STK11: variants seen among roughly 807,000 people sequenced by gnomAD.
The protein encoded by STK11 is serine/threonine-protein kinase STK11.
STK11 carries 8 observed loss-of-function variants against 47.3 expected under a neutral mutation model. The ratio of observed to expected loss-of-function variants is 0.17; its 90% CI spans 0.10 to 0.31. The LOEUF is 0.31. STK11 is among the 10% of genes least tolerant of loss of function. The pLI is 1.00. For synonymous variants in STK11, 330 were observed against 255.8 expected (o/e 1.29, Z -2.77); for missense variants, 475 against 605.0 (o/e 0.79, Z 2.25).
At chr19:1,207,812 G>A (rs2080678678) in intron 1 of STK11, among the ~76,000 whole-genome samples, 2 of 152,352 alleles carry the variant, frequency 1.3e-5, no homozygotes, top group Non-Finnish European at 2.9e-5. Context: ...CTGCCCGAGG[G>A]GGACTGTGCC....
In STK11 at chr19:1,218,519, G is replaced by A. The variant is rs2145420923; in HGVS notation, c.374+19G>A. The A allele has an allele frequency of 1.2e-6, 2 of 1,608,884 alleles. No individual in the cohort carries two copies. The highest frequency in any genetic ancestry group is 2.2e-5 in the South Asian group (2 of 90,980). On this transcript the variant is annotated intron_variant, in intron 2 of 9. Transcript: ENST00000326873. The stretch of plus-strand genomic sequence containing the variant: ...AGAAAATATATCCTTTCCGGTGTTG[G>A]GACCGCGGGGCCTCCGTGGGAGGGG...
chr19:1,211,782 T>A lies in STK11; in HGVS notation c.290+4579T>A, dbSNP rs73494633. 3.0e-3 allele frequency among the ~76,000 whole-genome samples: 461 copies of A among 151,588 alleles called. 2 individuals are homozygous for A. The highest frequency in any genetic ancestry group is 0.011 in the African/African-American group (446 of 41,244). On this transcript the variant is annotated intron_variant, in intron 1 of 9. Coordinates refer to ENST00000326873, the MANE Select transcript of STK11 (RefSeq NM_000455.5). ...GCCCCCGCGGTGTCCAGCCAGGAGGTGGGAGGTGGGCGGCACTCAGTGTGC... is the reference window on the plus strand; with the variant it reads ...GCCCCCGCGGTGTCCAGCCAGGAGGAGGGAGGTGGGCGGCACTCAGTGTGC...
chr19:1,214,529 C>T (rs1012185643), intron 1 of STK11, among the ~76,000 whole-genome samples: 1 of 152,174 alleles, frequency 6.6e-6, no homozygotes, highest in Non-Finnish European at 1.5e-5. Flanking sequence ...AGAATGATGG[C>T]TCATGGAGGA....
Position 1,206,854 on chromosome 19 carries a change from A to G in STK11, c.-60A>G. On this transcript the variant is annotated 5_prime_UTR_variant, in exon 1 of 10. Transcript: ENST00000326873. ...GGAGAAGGGAAGTCGGAACACAAGG[A>G]AGGACCGCTCACCCGCGGACTCAGG... 1.3e-6 allele frequency: 2 copies of G among 1,515,218 alleles called. No individual in the cohort carries two copies. The highest frequency in any genetic ancestry group is 2.4e-5 in the South Asian group (2 of 81,858). 93.9% of individuals were successfully genotyped at this position (1,515,218 alleles called of 1,614,324 possible). A position where few individuals can be genotyped will look rare whatever the true frequency, so the allele number is the denominator to read the frequency against.
At chr19:1,210,256 C>T (rs2080700427) in intron 1 of STK11, among the ~76,000 whole-genome samples, 1 of 152,186 alleles carries the variant, frequency 6.6e-6, no homozygotes, top group African/African-American at 2.4e-5. Context: ...AGGCCCAAGG[C>T]CTTGGCCAGC....
At position 1,206,510 on chromosome 19, in the gene STK11, C is replaced by T. The variant is rs549950063; in HGVS notation, c.-404C>T. On this transcript the variant is annotated 5_prime_UTR_variant, in exon 1 of 10. Transcript: ENST00000326873. ...GGAGAAGACTGCGCTCGGCCGTGTTCATACTTGTCCGTGGGCCTGAGGTCC... is the reference window on the plus strand; with the variant it reads ...GGAGAAGACTGCGCTCGGCCGTGTTTATACTTGTCCGTGGGCCTGAGGTCC... 6.0e-5 allele frequency: 17 copies of T among 282,180 alleles called. No individual in the cohort carries two copies. The highest frequency in any genetic ancestry group is 3.2e-4 in the African/African-American group (15 of 46,690). The allele number at this position is 282,180 out of a possible 1,614,324, so 17.5% of individuals were successfully genotyped here.
In STK11 at chr19:1,227,709, C is replaced by T. The variant is rs978521091; in HGVS notation, c.*133C>T. ...TTCTGTGCCGACCACGCCCCAGGACCTCCGGAGCGCCCTGCAGGGCCGGGC... is the reference window on the plus strand; with the variant it reads ...TTCTGTGCCGACCACGCCCCAGGACTTCCGGAGCGCCCTGCAGGGCCGGGC... On this transcript the variant is annotated 3_prime_UTR_variant, in exon 10 of 10. Coordinates refer to ENST00000326873, the MANE Select transcript of STK11 (RefSeq NM_000455.5). The T allele has an allele frequency of 8.4e-6, 9 of 1,070,430 alleles. No individual in the cohort carries two copies. The highest frequency in any genetic ancestry group is 5.3e-5 in the Admixed American group (1 of 18,782). The allele number at this position is 1,070,430 out of a possible 1,614,324, so 66.3% of individuals were successfully genotyped here.
intron 2 of STK11, 39 bp from the exon 3 acceptor site, chr19:1,219,285 T>G: frequency 6.4e-7 from 1 of 1,553,698 alleles, no homozygotes; most frequent in East Asian, 2.4e-5. Context: ...GGCCTGTGAG[T>G]GGGGCCGCCC....
Position 1,228,005 on chromosome 19 carries a change from G to C in STK11, c.*429G>C. 9.4e-7 allele frequency: 1 copy of C among 1,067,884 alleles called. No individual in the cohort carries two copies. Among genetic ancestry groups the C allele is most frequent in the Non-Finnish European group, 1.1e-6 (1 of 880,936 alleles). 66.2% of individuals were successfully genotyped at this position (1,067,884 alleles called of 1,614,324 possible). A position where few individuals can be genotyped will look rare whatever the true frequency, so the allele number is the denominator to read the frequency against. On this transcript the variant is annotated 3_prime_UTR_variant, in exon 10 of 10. Transcript: ENST00000326873. Reference sequence around the variant, plus strand: ...CCCGCCATGCATGCAGCGCCACCTGGAAGCCGCGCGGCCGCTTTGGTTTTT... The same window carrying C: ...CCCGCCATGCATGCAGCGCCACCTGCAAGCCGCGCGGCCGCTTTGGTTTTT...
At chr19:1,226,052 C>T (rs759589189) in intron 8 of STK11, 5 of 1,039,344 alleles carry the variant, frequency 4.8e-6, no homozygotes, top group Non-Finnish European at 5.8e-6. Context: ...TGTGTCCTCA[C>T]AGATGAGCAT....
intron 7 of STK11, 126 bp from the exon 8 acceptor site, chr19:1,222,859 C>A: frequency 8.9e-7 from 1 of 1,128,372 alleles, no homozygotes; most frequent in Non-Finnish European, 1.2e-6. Flanking sequence ...CACAGCCACC[C>A]CTTGCACGGC....
At chr19:1,219,214 AG>A (rs1196765476) in intron 2 of STK11, 109 bp from the exon 3 acceptor site, 3 of 1,302,958 alleles carry the variant, frequency 2.3e-6, no homozygotes, top group African/African-American at 3.0e-5. Context: ...GGTCCCGAGG[AG>A]GGGCAAGGTG....
At chr19:1,214,209 G>T (rs532216896) in intron 1 of STK11, among the ~76,000 whole-genome samples, 4 of 152,200 alleles carry the variant, frequency 2.6e-5, no homozygotes, top group African/African-American at 9.6e-5. Flanking sequence ...GAAGCCTGGC[G>T]ATCTAGAGAA....
At chr19:1,224,919 T>C (rs1422446129) in intron 8 of STK11, 90 of 985,518 alleles carry the variant, frequency 9.1e-5, no homozygotes, top group Non-Finnish European at 1.1e-4. Flanking sequence ...GTCCCTGACC[T>C]GCAGAGCCCC....
At chr19:1,210,232 A>G (rs560810425) in intron 1 of STK11, among the ~76,000 whole-genome samples, 7 of 152,298 alleles carry the variant, frequency 4.6e-5, no homozygotes, top group Middle Eastern at 3.4e-3. Flanking sequence ...AGGGGTGTCC[A>G]CTGCCCAGCC....
In STK11 at chr19:1,228,327, G is replaced by A. The variant is rs974173856; in HGVS notation, c.*751G>A. 4 of 256,552 alleles carry A rather than the reference G, an allele frequency of 1.6e-5. No homozygotes were observed. Among genetic ancestry groups the A allele is most frequent in the African/African-American group, 6.6e-5 (3 of 45,656 alleles). 15.9% of individuals were successfully genotyped at this position (256,552 alleles called of 1,614,324 possible). ...TATATCATCCAGAAAAGAAAAACAC[G>A]AGAAACGCCATCGCGGGATGGTGCA... On this transcript the variant is annotated 3_prime_UTR_variant, in exon 10 of 10. Transcript: ENST00000326873.
chr19:1,227,481 G>T, intron 9 of STK11, 112 bp from the exon 10 acceptor site: 2 of 1,041,506 alleles, frequency 1.9e-6, no homozygotes, highest in Non-Finnish European at 2.3e-6. Flanking sequence ...TGCCCCCCAG[G>T]AGTCCGGTAG....
chr19:1,214,154 G>A (rs1319583217), intron 1 of STK11, among the ~76,000 whole-genome samples: 1 of 152,166 alleles, frequency 6.6e-6, no homozygotes, highest in Admixed American at 6.5e-5. Flanking sequence ...CTTAGGTTTC[G>A]CTGGGCCTCC....
intron 7 of STK11, among the ~76,000 whole-genome samples, chr19:1,222,237 G>A (rs1210868234): frequency 6.6e-6 from 1 of 152,230 alleles, no homozygotes; most frequent in Admixed American, 6.5e-5. Flanking sequence ...GAGGACATGC[G>A]TCCGTCCCTG....
Sources: gnomAD v4.1 joint callset for allele counts (sites outside exome capture counted in the v4.1 genomes callset) on GRCh38, gnomAD v4.1.1 for gene constraint, MANE v1.5 for transcripts, NCBI Gene and HGNC (gene_info 2026-07-23, HGNC 2026-07-21) for gene names.